NAV3: variants seen among roughly 807,000 people sequenced by gnomAD.
NAV3 encodes the protein pore membrane and/or filament interacting like protein 1.
NAV3 carries 87 observed loss-of-function variants against 244.7 expected under a neutral mutation model. That is an observed-to-expected ratio of 0.36 (90% CI 0.30 to 0.42). NAV3 has a LOEUF of 0.42. NAV3 is among the 20% of genes least tolerant of loss of function. The pLI is 1.00. For missense variants in NAV3, 2,663 were observed against 2,893.3 expected, an observed-to-expected ratio of 0.92 and a Z score of 1.83; for synonymous variants, 1,126 against 1,042.2, an observed-to-expected ratio of 1.08 and a Z score of -1.55.
chr12:77,723,035 T>A (rs1331190508), intron 2 of NAV3, among the ~76,000 whole-genome samples: 1 of 151,788 alleles, frequency 6.6e-6, no homozygotes, highest in Non-Finnish European at 1.5e-5. Context: ...TTTTTGCAAG[T>A]TTTTTTTGCC....
At chr12:77,747,386 G>T (rs1008786244) in intron 2 of NAV3, among the ~76,000 whole-genome samples, 4 of 152,150 alleles carry the variant, frequency 2.6e-5, no homozygotes, top group Non-Finnish European at 5.9e-5. Flanking sequence ...GGAAACAACA[G>T]GTGCTGGAGA....
chr12:77,766,735 G>GTTTGTTTGTTT (rs1555202961), intron 2 of NAV3, among the ~76,000 whole-genome samples: 2 of 60,516 alleles, frequency 3.3e-5, no homozygotes, highest in Admixed American at 2.4e-4. Flanking sequence ...AGGCAATTAA[G>GTTTGTTTGTTT]TTTTTTTTTT....
Position 77,638,755 on chromosome 12 carries a change from C to T in NAV3, c.72+66489C>T, listed in dbSNP as rs540665433. Among the ~76,000 whole-genome samples the T allele has an allele frequency of 1.6e-4, 24 of 152,244 alleles. 1 individual carries two copies. The South Asian group carries it at 5.0e-3, about 32-fold the overall frequency. ...ATCAGTAATATTTATAGTGTCATCA[C>T]CATAGTGATACTGCATTGTCTGCCA... is the stretch of plus-strand genomic sequence containing the variant. On this transcript the variant is annotated intron_variant, in intron 2 of 8. Coordinates refer to the NAV3 transcript ENST00000550042.
chr12:77,742,163 C>A (rs1445407644), intron 2 of NAV3, among the ~76,000 whole-genome samples: 1 of 151,916 alleles, frequency 6.6e-6, no homozygotes, highest in African/African-American at 2.4e-5. Flanking sequence ...TGTCCTATTG[C>A]ATAATTCTTA....
intron 12 of NAV3, among the ~76,000 whole-genome samples, chr12:78,085,489 G>A (rs1365970664): frequency 6.6e-6 from 1 of 152,126 alleles, no homozygotes; most frequent in Non-Finnish European, 1.5e-5. Context: ...CACAAAAAGG[G>A]AAAGTAGATG....
At chr12:77,957,277 T>C (rs1032952972) in intron 3 of NAV3, among the ~76,000 whole-genome samples, 1 of 152,236 alleles carries the variant, frequency 6.6e-6, no homozygotes, top group Non-Finnish European at 1.5e-5. Flanking sequence ...CCCTTCACCA[T>C]TGAGCAGAGC....
rs1054495680 is a variant in NAV3, at chr12:78,189,682, A to G, written c.6056-302A>G. ...CATCTTCAATAAAAGATGTTATGAT[A>G]GCATTTATAATGCTTCCATTTCTCT... On this transcript the variant is annotated intron_variant, in intron 33 of 39. Transcript: ENST00000397909. Among the ~76,000 whole-genome samples the G allele has an allele frequency of 4.6e-5, 7 of 151,848 alleles. No homozygotes were observed. The Admixed American group carries it at 4.6e-4, about 10-fold the overall frequency.
At chr12:77,829,709 G>T (rs1220108251), upstream of NAV3, among the ~76,000 whole-genome samples, 2 of 152,138 alleles carry the variant, frequency 1.3e-5, no homozygotes, top group African/African-American at 4.8e-5. Context: ...TTTAAAGCCT[G>T]CAAGACTTCT....
chr12:77,764,923 C>T (rs1382415550), intron 2 of NAV3, among the ~76,000 whole-genome samples: 2 of 152,240 alleles, frequency 1.3e-5, no homozygotes, highest in Non-Finnish European at 2.9e-5. Context: ...AGCTGCATGG[C>T]AGCCCTCTCC....
At chr12:78,089,268 G>A (rs1953798846) in intron 12 of NAV3, among the ~76,000 whole-genome samples, 1 of 152,090 alleles carries the variant, frequency 6.6e-6, no homozygotes, top group African/African-American at 2.4e-5. Context: ...ATAAGTGAAT[G>A]CAGGTGGAAG....
rs548588543 is a variant in NAV3, at chr12:77,665,701, A to G, written c.72+93435A>G. Among the ~76,000 whole-genome samples, 322 of 152,310 alleles carry G rather than the reference A, an allele frequency of 2.1e-3. 1 individual carries two copies. Among genetic ancestry groups the G allele is most frequent in the African/African-American group, 7.4e-3 (308 of 41,572 alleles). On this transcript the variant is annotated intron_variant, in intron 2 of 8. Coordinates refer to the NAV3 transcript ENST00000550042. ...CATTCATTCTCATAAAAACACTAGA[A>G]GTATACATGATTATTTCTAATTCCT...
chr12:77,595,937 T>G (rs996910731), intron 2 of NAV3, among the ~76,000 whole-genome samples: 34 of 152,218 alleles, frequency 2.2e-4, no homozygotes, highest in African/African-American at 7.2e-4. Flanking sequence ...ATAAATATTA[T>G]GAAAGAAGAA....
At chr12:77,709,740 C>T (rs534425804) in intron 2 of NAV3, among the ~76,000 whole-genome samples, 2 of 152,294 alleles carry the variant, frequency 1.3e-5, no homozygotes, top group South Asian at 4.1e-4. Context: ...TATTTGCTGT[C>T]TTCTGTCTCC....
rs140104568 is a variant in NAV3, at chr12:78,043,456, A to T, written c.2024-6537A>T. Among the ~76,000 whole-genome samples the T allele has an allele frequency of 3.4e-3, 519 of 152,014 alleles. 2 individuals are homozygous for T. The highest frequency in any genetic ancestry group is 0.012 in the African/African-American group (494 of 41,450). ...CTTTGGTTGTATACTCATTAATGGG[A>T]TTGCTGGATCAAATGGTATTTCTGG... On this transcript the variant is annotated intron_variant, in intron 9 of 39. Coordinates refer to ENST00000397909, the MANE Select transcript of NAV3 (RefSeq NM_001024383.2).
At chr12:77,735,133 G>C (rs918597221) in intron 2 of NAV3, among the ~76,000 whole-genome samples, 1 of 152,030 alleles carries the variant, frequency 6.6e-6, no homozygotes, top group African/African-American at 2.4e-5. Flanking sequence ...ATAATTGTAA[G>C]TATTTATGTA....
At chr12:77,894,631 A>C (rs1015417895) in intron 1 of NAV3, among the ~76,000 whole-genome samples, 12 of 152,206 alleles carry the variant, frequency 7.9e-5, no homozygotes, top group African/African-American at 2.9e-4. Flanking sequence ...GAAGTTGCAA[A>C]CTCAAATAAA....
chr12:77,669,087 A>G (rs1022836262), intron 2 of NAV3, among the ~76,000 whole-genome samples: 1 of 152,200 alleles, frequency 6.6e-6, no homozygotes, highest in Admixed American at 6.5e-5. Flanking sequence ...TGTTTCCCAA[A>G]TGAAGGAAAA....
chr12:77,917,346 C>T (rs952377660), intron 1 of NAV3, among the ~76,000 whole-genome samples: 2 of 151,982 alleles, frequency 1.3e-5, no homozygotes, highest in Non-Finnish European at 2.9e-5. Flanking sequence ...AGTCCCTTCT[C>T]TTCATTATTA....
rs1013133101 is a variant in NAV3 at position 78,047,021 on chromosome 12, A to G, written c.2024-2972A>G. Among the ~76,000 whole-genome samples, 5 of 152,228 alleles carry G rather than the reference A, an allele frequency of 3.3e-5. No homozygotes were observed. In the East Asian group the frequency reaches 7.7e-4, roughly 24 times the overall value. ...TGTCTTTTTTTATATTTGCTGGTTT[A>G]AAGTCTGTTTTATCAGAGTCTAGAA... On this transcript the variant is annotated intron_variant, in intron 9 of 39. Transcript: ENST00000397909.
Sources: gnomAD v4.1 joint callset for allele counts (sites outside exome capture counted in the v4.1 genomes callset) on GRCh38, gnomAD v4.1.1 for gene constraint, MANE v1.5 for transcripts, NCBI Gene and HGNC (gene_info 2026-07-23, HGNC 2026-07-21) for gene names.